Variants in TP73 observed in about 807,000 individuals in gnomAD.
TP73 encodes p53-like transcription factor.
In TP73, 25 loss-of-function variants were observed where a neutral mutation model predicts 62.5. The observed-to-expected ratio is 0.40, with a 90% CI of 0.29 to 0.56. The LOEUF is 0.56. Among genes scored for constraint, TP73 ranks in the 20% least tolerant of loss-of-function variants. The probability of loss-of-function intolerance (pLI) is 0.46; values close to 1 mark genes in which losing one functional copy is unlikely to be tolerated. For missense variants in TP73, 754 were observed against 913.3 expected (o/e 0.83, Z 2.25); for synonymous variants, 423 against 377.5 (o/e 1.12, Z -1.40).
At chr1:3,685,862 C>T (rs1468831111) in intron 3 of TP73, among the ~76,000 whole-genome samples, 1 of 152,224 alleles carries the variant, frequency 6.6e-6, no homozygotes, top group African/African-American at 2.4e-5. Context: ...TGAGTGCCCC[C>T]TGGAAAACTG....
intron 6 of TP73, among the ~76,000 whole-genome samples, 167 bp downstream of exon 6, chr1:3,723,636 C>A (rs368377778): frequency 1.1e-3 from 172 of 152,302 alleles, no homozygotes; most frequent in African/African-American, 4.1e-3. Flanking sequence ...GTGTCGGCGG[C>A]TCCTTCCTCA....
intron 1 of TP73, among the ~76,000 whole-genome samples, chr1:3,665,206 G>A (rs1411149033): frequency 2.0e-5 from 3 of 152,082 alleles, no homozygotes; most frequent in Non-Finnish European, 4.4e-5. Flanking sequence ...GCTCCAACTT[G>A]CTTCTGGGTT....
At chr1:3,722,720 G>A (rs1258735270) in intron 5 of TP73, among the ~76,000 whole-genome samples, 1 of 148,710 alleles carries the variant, frequency 6.7e-6, no homozygotes, top group African/African-American at 2.5e-5. Context: ...ACCTGGCACA[G>A]GGCTGGGCAC....
At position 3,699,194 on chromosome 1, in the gene TP73, G is replaced by T. The variant is rs191299713; in HGVS notation, c.187-8355G>T. 1.4e-3 allele frequency among the ~76,000 whole-genome samples: 207 copies of T among 152,260 alleles called. 1 individual carries two copies. Among genetic ancestry groups the T allele is most frequent in the African/African-American group, 4.8e-3 (201 of 41,550 alleles). On this transcript the variant is annotated intron_variant, in intron 3 of 13. Transcript: ENST00000378295. The surrounding 1 kb of genome is among the most constrained non-coding windows in gnomAD (Gnocchi z 4.1). The stretch of plus-strand genomic sequence containing the variant: ...GGCATTTCCATTCGTTTAATCACGG[G>T]CTCCGGGAGATGCTGTGGGAAGTAC...
Position 3,705,960 on chromosome 1 carries a change from C to G in TP73, c.187-1589C>G, listed in dbSNP as rs115559500. On this transcript the variant is annotated intron_variant, in intron 3 of 13. Transcript: ENST00000378295. ...GGCTGAGGTGCAGGAAGGGGCTGAG[C>G]CTGGGAGTCCCGGCGAGGCCCCTGC... Among the ~76,000 whole-genome samples, 1,431 of 152,324 alleles carry G rather than the reference C, an allele frequency of 9.4e-3. 18 individuals are homozygous for G. Among genetic ancestry groups the G allele is most frequent in the African/African-American group, 0.033 (1,383 of 41,574 alleles).
chr1:3,726,394 A>G (rs1570626457), intron 6 of TP73, among the ~76,000 whole-genome samples: 2 of 18,494 alleles, frequency 1.1e-4, no homozygotes, highest in Non-Finnish European at 2.4e-4. Context: ...TAAATGGGGG[A>G]GTGGATGGAT....
rs1447332800 is a variant in TP73 at position 3,696,440 on chromosome 1, C to T, written c.187-11109C>T. Among the ~76,000 whole-genome samples the T allele has an allele frequency of 6.6e-6, 1 of 151,726 alleles. No individual in the cohort carries two copies. Among genetic ancestry groups the T allele is most frequent in the Non-Finnish European group, 1.5e-5 (1 of 67,966 alleles). On this transcript the variant is annotated intron_variant, in intron 3 of 13. Coordinates refer to ENST00000378295, the MANE Select transcript of TP73 (RefSeq NM_005427.4). The surrounding 1 kb of genome is among the most constrained non-coding windows in gnomAD (Gnocchi z 4.1). Reference sequence around the variant, plus strand: ...GCTGTGGAGACGACCTCTAGGGAGTCCTGCACATGGGCACTTACAGTCAGG... The same window carrying T: ...GCTGTGGAGACGACCTCTAGGGAGTTCTGCACATGGGCACTTACAGTCAGG...
intron 1 of TP73, among the ~76,000 whole-genome samples, chr1:3,657,254 G>A (rs576869746): frequency 2.1e-4 from 32 of 152,280 alleles, no homozygotes; most frequent in African/African-American, 7.5e-4. Flanking sequence ...GAGGGGGCTC[G>A]CCTCCTGTCT....
At chr1:3,709,055 C>T (rs970014183) in intron 4 of TP73, among the ~76,000 whole-genome samples, 9 of 152,130 alleles carry the variant, frequency 5.9e-5, no homozygotes, top group South Asian at 2.1e-4. Context: ...CCTGGAGGGC[C>T]GAGGGGCAGG....
intron 4 of TP73, among the ~76,000 whole-genome samples, chr1:3,710,079 G>T (rs1334053678): frequency 1.3e-5 from 2 of 151,986 alleles, no homozygotes; most frequent in Admixed American, 1.3e-4. Flanking sequence ...GGTCTGCTCA[G>T]ACCAGGCATC....
intron 4 of TP73, among the ~76,000 whole-genome samples, chr1:3,719,979 G>A (rs572057605): frequency 2.0e-5 from 3 of 150,576 alleles, no homozygotes; most frequent in Non-Finnish European, 4.4e-5. Context: ...GCAATGGTGC[G>A]ATCTCGGCTC....
rs533991290 is a variant in TP73, at chr1:3,705,655, G to C, written c.187-1894G>C. Among the ~76,000 whole-genome samples, 42 of 152,368 alleles carry C rather than the reference G, an allele frequency of 2.8e-4. No individual in the cohort carries two copies. In the South Asian group the frequency reaches 7.9e-3, roughly 29 times the overall value. On this transcript the variant is annotated intron_variant, in intron 3 of 13. Coordinates refer to ENST00000378295, the MANE Select transcript of TP73 (RefSeq NM_005427.4). Reference sequence around the variant, plus strand: ...GGCCTGCCTGGCCTTTGGTGGCCCTGGGAACAGTGGTGATGGCTCTGGTGA... The same window carrying C: ...GGCCTGCCTGGCCTTTGGTGGCCCTCGGAACAGTGGTGATGGCTCTGGTGA...
intron 3 of TP73, among the ~76,000 whole-genome samples, chr1:3,692,690 C>A (rs114536867): frequency 1.3e-5 from 2 of 152,104 alleles, no homozygotes; most frequent in Non-Finnish European, 2.9e-5. Context: ...AGGCCAGTGT[C>A]GCTGCCTGGC....
intron 1 of TP73, among the ~76,000 whole-genome samples, chr1:3,660,974 A>G (rs1339647377): frequency 2.0e-5 from 3 of 152,216 alleles, no homozygotes; most frequent in Admixed American, 6.5e-5. Context: ...AATTTCATAT[A>G]ATTTCTGGAA....
intron 3 of TP73, among the ~76,000 whole-genome samples, chr1:3,697,230 C>G (rs1557527155): frequency 2.0e-5 from 3 of 151,260 alleles, no homozygotes; most frequent in Non-Finnish European, 4.4e-5. Context: ...ACAATTGCTG[C>G]CTTTGCTGAC....
chr1:3,692,022 A>G (rs1279392095), intron 3 of TP73, among the ~76,000 whole-genome samples: 2 of 152,164 alleles, frequency 1.3e-5, no homozygotes, highest in Admixed American at 1.3e-4. Context: ...TGCATGCAAT[A>G]CGCAGGCGAG....
chr1:3,727,991 C>T, intron 8 of TP73, 138 bp from the exon 9 acceptor site: 2 of 1,169,634 alleles, frequency 1.7e-6, no homozygotes, highest in South Asian at 3.0e-5. Flanking sequence ...GTTTGCCCGT[C>T]CCTGTGGGTT....
intron 3 of TP73, among the ~76,000 whole-genome samples, chr1:3,684,002 C>A (rs1377271437): frequency 6.6e-6 from 1 of 152,258 alleles, no homozygotes; most frequent in Non-Finnish European, 1.5e-5. Flanking sequence ...ATTGGCTGCT[C>A]CTCTGGGGGA....
intron 6 of TP73, among the ~76,000 whole-genome samples, chr1:3,726,485 T>A (rs1641624250): frequency 7.1e-6 from 1 of 140,886 alleles, no homozygotes; most frequent in Non-Finnish European, 1.5e-5. Context: ...ATTGAATGGA[T>A]GGGTGGGTGG....
Sources: gnomAD v4.1 joint callset for allele counts (sites outside exome capture counted in the v4.1 genomes callset) on GRCh38, gnomAD v4.1.1 for gene constraint, Gnocchi (gnomAD v3.1) non-coding constraint, MANE v1.5 for transcripts, NCBI Gene and HGNC (gene_info 2026-07-23, HGNC 2026-07-21) for gene names.